TMEM182: variants seen among roughly 807,000 people sequenced by gnomAD.
TMEM182 encodes the protein transmembrane protein 182.
TMEM182 carries 20 observed loss-of-function variants against 26.8 expected under a neutral mutation model. The ratio of observed to expected loss-of-function variants is 0.75; its 90% CI spans 0.53 to 1.09. The LOEUF (loss-of-function observed/expected upper bound fraction) is 1.09, where lower values mean the gene tolerates loss of function less well. TMEM182 is among the 50% of genes least tolerant of loss of function. The pLI is 0.00. For synonymous variants in TMEM182, 109 were observed against 102.2 expected (o/e 1.07, Z -0.40); for missense variants, 277 against 275.5 (o/e 1.01, Z -0.04).
At chr2:102,825,045 AT>A (rs1450911525) in intron 3 of TMEM182, among the ~76,000 whole-genome samples, 2 of 152,140 alleles carry the variant, frequency 1.3e-5, no homozygotes, top group African/African-American at 4.8e-5. Context: ...CTTTCATAAC[AT>A]TGTTGCTTTA....
intron 1 of TMEM182, among the ~76,000 whole-genome samples, chr2:102,737,440 A>G (rs1315806805): frequency 6.6e-6 from 1 of 152,242 alleles, no homozygotes; most frequent in Non-Finnish European, 1.5e-5. Flanking sequence ...TAAAAATACT[A>G]AACATGCAAT....
At chr2:102,742,588 C>G (rs1016617563) in intron 1 of TMEM182, among the ~76,000 whole-genome samples, 2 of 152,206 alleles carry the variant, frequency 1.3e-5, no homozygotes. Flanking sequence ...GAACACCAAA[C>G]AGGATAAATA....
intron 3 of TMEM182, among the ~76,000 whole-genome samples, chr2:102,838,904 G>T (rs1258085591): frequency 6.6e-6 from 1 of 152,126 alleles, no homozygotes; most frequent in African/African-American, 2.4e-5. Context: ...AGGAATGAGA[G>T]AGAAGTCAAG....
chr2:102,795,167 T>C (rs1249797608), intron 3 of TMEM182, among the ~76,000 whole-genome samples: 1 of 152,198 alleles, frequency 6.6e-6, no homozygotes, highest in Non-Finnish European at 1.5e-5. Context: ...TTATAATTTC[T>C]TTATATTTAT....
intron 3 of TMEM182, among the ~76,000 whole-genome samples, chr2:102,794,015 A>G (rs1681760439): frequency 6.6e-6 from 1 of 152,188 alleles, no homozygotes; most frequent in Non-Finnish European, 1.5e-5. Flanking sequence ...GGCTGCAGTG[A>G]GCTGTGATTA....
At chr2:102,831,033 G>A (rs1254902585) in intron 3 of TMEM182, among the ~76,000 whole-genome samples, 2 of 152,166 alleles carry the variant, frequency 1.3e-5, no homozygotes, top group African/African-American at 2.4e-5. Flanking sequence ...GAAATGACTG[G>A]ATCTTATTCT....
intron 3 of TMEM182, among the ~76,000 whole-genome samples, chr2:102,780,124 A>G (rs1681107840): frequency 1.3e-5 from 2 of 151,398 alleles, no homozygotes; most frequent in South Asian, 4.2e-4. Context: ...ACATCTCAGC[A>G]TTAGTGTCTA....
At chr2:102,740,145 A>G (rs1048939267) in intron 1 of TMEM182, among the ~76,000 whole-genome samples, 2 of 152,230 alleles carry the variant, frequency 1.3e-5, no homozygotes, top group Non-Finnish European at 2.9e-5. Flanking sequence ...ACTGCATGTA[A>G]CTATGTGTCA....
In TMEM182 at chr2:102,754,292, TGGAACCTGG is replaced by T. The variant is rs1358057633; in HGVS notation, c.-82-4089_-82-4081del. On this transcript the variant is annotated intron_variant, in intron 1 of 5. Transcript: ENST00000409173. ...CTGTGCATTACCTAACACCCACTCG[TGGAACCTGG>T]GGAACCTTGAAATAAATCAAACACA... 2.0e-5 allele frequency among the ~76,000 whole-genome samples: 3 copies of T among 152,300 alleles called. No homozygotes were observed. The East Asian group carries it at 5.8e-4, about 29-fold the overall frequency.
chr2:102,778,237 T>C (rs1365055791), intron 3 of TMEM182, among the ~76,000 whole-genome samples: 1 of 152,020 alleles, frequency 6.6e-6, no homozygotes, highest in Non-Finnish European at 1.5e-5. Context: ...TCTTAGTAGA[T>C]TGAGCTTTTT....
chr2:102,766,485 T>G (rs1437650777), intron 3 of TMEM182, among the ~76,000 whole-genome samples: 1 of 152,204 alleles, frequency 6.6e-6, no homozygotes, highest in Non-Finnish European at 1.5e-5. Flanking sequence ...TGCAAAGATG[T>G]GTTCTACAAC....
intron 3 of TMEM182, among the ~76,000 whole-genome samples, chr2:102,826,989 T>C (rs1683044088): frequency 6.6e-6 from 1 of 152,200 alleles, no homozygotes; most frequent in African/African-American, 2.4e-5. Flanking sequence ...CACAGCAAGA[T>C]AATGAAAAAC....
chr2:102,782,983 C>A (rs1010457219), intron 3 of TMEM182, among the ~76,000 whole-genome samples: 22 of 152,272 alleles, frequency 1.4e-4, no homozygotes, highest in African/African-American at 4.6e-4. Context: ...AAGGCCAAGG[C>A]TGTTATTTAC....
Position 102,816,615 on chromosome 2 carries a change from T to G in TMEM182, c.*1647T>G, listed in dbSNP as rs1682764341. ...TATCATTGAAACGTTTTTGTGGTAC[T>G]TCCCTTTGTCTTTCACTGTTTCATT... On this transcript the variant is annotated 3_prime_UTR_variant, in exon 5 of 5. Transcript: ENST00000412401. 1 of 985,484 alleles carries G rather than the reference T, an allele frequency of 1.0e-6. No individual in the cohort carries two copies. Among genetic ancestry groups the G allele is most frequent in the Non-Finnish European group, 1.2e-6 (1 of 829,868 alleles). 61.0% of individuals were successfully genotyped at this position (985,484 alleles called of 1,614,324 possible).
intron 3 of TMEM182, among the ~76,000 whole-genome samples, chr2:102,842,244 C>T (rs960411816): frequency 2.0e-5 from 3 of 152,150 alleles, no homozygotes; most frequent in East Asian, 3.9e-4. Flanking sequence ...CTGTATGCTC[C>T]TACCTCCCTC....
At chr2:102,746,050 T>C (rs1402280748) in intron 1 of TMEM182, among the ~76,000 whole-genome samples, 1 of 152,222 alleles carries the variant, frequency 6.6e-6, no homozygotes, top group Non-Finnish European at 1.5e-5. Flanking sequence ...ATTTACACTC[T>C]CACCAGCAGT....
intron 1 of TMEM182, among the ~76,000 whole-genome samples, chr2:102,742,569 T>C (rs926230921): frequency 6.6e-6 from 1 of 152,130 alleles, no homozygotes; most frequent in Non-Finnish European, 1.5e-5. Flanking sequence ...CATGTATAGG[T>C]AGCTTAGAGA....
intron 3 of TMEM182, among the ~76,000 whole-genome samples, chr2:102,767,278 A>G (rs1020133397): frequency 6.6e-6 from 1 of 152,208 alleles, no homozygotes; most frequent in Non-Finnish European, 1.5e-5. Context: ...AAATTCAATT[A>G]TCCTCAAATC....
intron 4 of TMEM182, 111 bp from the exon 5 acceptor site, chr2:102,814,637 G>T: frequency 4.4e-6 from 4 of 907,124 alleles, no homozygotes; most frequent in Non-Finnish European, 6.6e-6. Flanking sequence ...ATTTGATTTT[G>T]CTAGAAATGT....
Sources: allele counts gnomAD v4.1 joint callset (sites outside exome capture counted in the v4.1 genomes callset), GRCh38; gene constraint gnomAD v4.1.1; transcripts MANE v1.5; gene names NCBI Gene and HGNC (gene_info 2026-07-23, HGNC 2026-07-21).